The following PTPRT variants were observed in gnomAD, a reference collection of about 807,000 sequenced individuals.
The protein encoded by PTPRT is receptor-type tyrosine-protein phosphatase T.
In PTPRT, 56 loss-of-function variants were observed where a neutral mutation model predicts 176.8. The ratio of observed to expected loss-of-function variants is 0.32; its 90% CI spans 0.26 to 0.40. PTPRT has a LOEUF of 0.40. Ranked by LOEUF, PTPRT falls within the 10% of genes least tolerant of loss-of-function variation. The pLI is 1.00. For missense variants in PTPRT, 1,540 were observed against 1,908.2 expected, an observed-to-expected ratio of 0.81 and a Z score of 3.60; for synonymous variants, 783 against 739.0, an observed-to-expected ratio of 1.06 and a Z score of -0.96.
At chr20:42,764,822 T>C (rs1287497043) in intron 5 of PTPRT, among the ~76,000 whole-genome samples, 1 of 152,198 alleles carries the variant, frequency 6.6e-6, no homozygotes, top group African/African-American at 2.4e-5. Flanking sequence ...ATTGCTTAGT[T>C]GCAGCGTGAC....
chr20:42,205,672 C>A (rs1367848034), intron 15 of PTPRT, among the ~76,000 whole-genome samples: 1 of 152,192 alleles, frequency 6.6e-6, no homozygotes, highest in African/African-American at 2.4e-5. Flanking sequence ...CATGCCCACT[C>A]TCCTGGGGAG....
intron 1 of PTPRT, among the ~76,000 whole-genome samples, chr20:43,179,616 C>T (rs569233216): frequency 6.6e-6 from 1 of 152,308 alleles, no homozygotes; most frequent in African/African-American, 2.4e-5. Flanking sequence ...TTCACTTCTA[C>T]TTTCTGACAT....
chr20:42,896,187 AGCGTCAGATCAGGG>A (rs566317347), intron 1 of PTPRT, among the ~76,000 whole-genome samples: 114 of 152,316 alleles, frequency 7.5e-4, no homozygotes, highest in African/African-American at 2.4e-3. Flanking sequence ...TGATGCACTC[AGCGTCAGATCAGGG>A]ACTGAGCCAA....
chr20:43,139,398 C>T (rs1298002298), intron 1 of PTPRT, among the ~76,000 whole-genome samples: 2 of 152,176 alleles, frequency 1.3e-5, no homozygotes, highest in African/African-American at 4.8e-5. Context: ...GAATTAAAGG[C>T]CTTGGAGAAG....
In PTPRT at chr20:43,126,122, C is replaced by T. The variant is rs370569367; in HGVS notation, c.88+63524G>A. On this transcript the variant is annotated intron_variant, in intron 1 of 30. Coordinates refer to ENST00000373187, the MANE Select transcript of PTPRT (RefSeq NM_007050.6). ...CCCAGCACTTTGGGAGGCTGTGAGG[C>T]AGGCAGATCACCTGAAGTCAGGAGT... Among the ~76,000 whole-genome samples, 20 of 152,194 alleles carry T rather than the reference C, an allele frequency of 1.3e-4. No individual in the cohort carries two copies. The East Asian group carries it at 3.9e-3, about 29-fold the overall frequency.
intron 6 of PTPRT, among the ~76,000 whole-genome samples, chr20:42,717,786 C>G (rs1229390323): frequency 6.6e-6 from 1 of 151,958 alleles, no homozygotes; most frequent in Admixed American, 6.6e-5. Context: ...ATATAAAGAA[C>G]TACAAATCAA....
intron 1 of PTPRT, among the ~76,000 whole-genome samples, chr20:43,173,755 T>C (rs536649531): frequency 6.6e-6 from 1 of 152,340 alleles, no homozygotes; most frequent in East Asian, 1.9e-4. Flanking sequence ...GTGAGGGTCC[T>C]TCCCTCAGAA....
intron 7 of PTPRT, among the ~76,000 whole-genome samples, chr20:42,487,210 G>A (rs1408857581): frequency 4.6e-5 from 7 of 152,102 alleles, no homozygotes; most frequent in Non-Finnish European, 1.0e-4. Context: ...TGGAGAGAAG[G>A]GCAGAAGTCT....
chr20:42,199,762 A>G (rs1991376641), intron 15 of PTPRT, among the ~76,000 whole-genome samples: 1 of 152,072 alleles, frequency 6.6e-6, no homozygotes. Flanking sequence ...GTGGCTCTGA[A>G]TGAGATTAAA....
intron 11 of PTPRT, among the ~76,000 whole-genome samples, chr20:42,320,952 T>C (rs1438672297): frequency 8.6e-5 from 13 of 152,046 alleles, no homozygotes; most frequent in Non-Finnish European, 1.9e-4. Context: ...TCAAAGCACA[T>C]GGAAGCTGGG....
At chr20:42,067,449 TG>T in the PTPRT span, among the ~76,000 whole-genome samples, 2 of 145,968 alleles carry the variant, frequency 1.4e-5, no homozygotes, top group Non-Finnish European at 3.0e-5. Context: ...CTGCTTACTC[TG>T]CATGCATGGA....
chr20:42,343,003 T>C (rs2058134343), intron 11 of PTPRT, among the ~76,000 whole-genome samples: 1 of 152,180 alleles, frequency 6.6e-6, no homozygotes, highest in African/African-American at 2.4e-5. Context: ...GAAGTATATA[T>C]CTTGTTACAC....
At chr20:42,561,543 G>C (rs2072951875) in intron 7 of PTPRT, among the ~76,000 whole-genome samples, 1 of 152,184 alleles carries the variant, frequency 6.6e-6, no homozygotes, top group Admixed American at 6.5e-5. Flanking sequence ...AGTTCTCCTA[G>C]ATTATATTTA....
At chr20:43,136,432 G>T (rs956208121) in intron 1 of PTPRT, among the ~76,000 whole-genome samples, 1 of 152,170 alleles carries the variant, frequency 6.6e-6, no homozygotes. Flanking sequence ...CCCCTTTCTT[G>T]ATTTCTGGCC....
intron 1 of PTPRT, among the ~76,000 whole-genome samples, chr20:43,128,077 C>G (rs573702930): frequency 1.3e-5 from 2 of 152,252 alleles, no homozygotes; most frequent in African/African-American, 4.8e-5. Flanking sequence ...GATACTCCAA[C>G]CATGAGCATG....
intron 7 of PTPRT, among the ~76,000 whole-genome samples, chr20:42,608,532 A>T (rs1569014025): frequency 6.6e-6 from 1 of 152,188 alleles, no homozygotes; most frequent in Non-Finnish European, 1.5e-5. Context: ...TGCACACAGG[A>T]TCCAGCAGAG....
downstream of PTPRT, among the ~76,000 whole-genome samples, chr20:42,069,427 G>A (rs557137811): frequency 6.6e-6 from 1 of 152,236 alleles, no homozygotes; most frequent in South Asian, 2.1e-4. Context: ...CCTTTTGTGG[G>A]AGATGGGCAG....
At chr20:42,988,478 C>G (rs1036692284) in intron 1 of PTPRT, among the ~76,000 whole-genome samples, 7 of 152,132 alleles carry the variant, frequency 4.6e-5, no homozygotes, top group African/African-American at 1.7e-4. Flanking sequence ...CCAGGCTTCC[C>G]TCCCTCTGAC....
At chr20:42,402,673 A>G (rs952996268) in intron 9 of PTPRT, among the ~76,000 whole-genome samples, 6 of 152,068 alleles carry the variant, frequency 3.9e-5, no homozygotes, top group Non-Finnish European at 8.8e-5. Flanking sequence ...TCTGGCTTCC[A>G]ACAAAGAAAA....
Sources: gnomAD v4.1 joint callset for allele counts (sites outside exome capture counted in the v4.1 genomes callset) on GRCh38, gnomAD v4.1.1 for gene constraint, MANE v1.5 for transcripts, NCBI Gene and HGNC (gene_info 2026-07-23, HGNC 2026-07-21) for gene names.